FRYL: variants seen among roughly 807,000 people sequenced by gnomAD.
The protein encoded by FRYL is protein furry homolog-like.
A neutral mutation model predicts 351.2 loss-of-function variants in FRYL; 150 were observed. That is an observed-to-expected ratio of 0.43 (90% CI 0.37 to 0.49). The LOEUF (loss-of-function observed/expected upper bound fraction) is 0.49. FRYL is among the 20% of genes least tolerant of loss of function. FRYL has a pLI of 0.00. For missense variants in FRYL, 3,036 were observed against 3,619.3 expected (o/e 0.84, Z 4.13); for synonymous variants, 1,153 against 1,257.1 (o/e 0.92, Z 1.75).
rs1314499669 is a variant in FRYL, at chr4:48,590,818, C to T, written c.1348G>A (p.Gly450Ser). The T allele has an allele frequency of 6.2e-7, 1 of 1,608,036 alleles. No homozygotes were observed. The highest frequency in any genetic ancestry group is 8.5e-7 in the Non-Finnish European group (1 of 1,178,424). The change falls in exon 17 of 64, where the codon GGT becomes AGT. Residue 450 changes from glycine to serine, a missense_variant. Physicochemically the swap from Gly to Ser is moderately conservative, Grantham distance 56. Around this residue, in one of 7 missense-constraint regions of FRYL, gnomAD observed 457 missense variants for 566.6 expected, o/e 0.81. Transcript: ENST00000358350. Reference sequence around the variant, plus strand: ...GCTATTACAAGGAAGACTCTGAGACCTATGTTCATTCTCTTCAAAGGAAAA... The same window carrying T: ...GCTATTACAAGGAAGACTCTGAGACTTATGTTCATTCTCTTCAAAGGAAAA... ...FTINPERMNI[G>S]LRVFLVIADS...
Position 48,557,724 on chromosome 4 carries a change from A to G in FRYL, c.3866-12T>C. On this transcript the variant is annotated splice_polypyrimidine_tract_variant and intron_variant, in intron 33 of 63. Coordinates refer to ENST00000358350, the MANE Select transcript of FRYL (RefSeq NM_015030.2). ...TCTCTGGCTTATCTCTGAAATTGAA[A>G]ACAAGTCAAAGATAACTGATGTAAT... 6.2e-7 allele frequency: 1 copy of G among 1,612,008 alleles called. No individual in the cohort carries two copies. The highest frequency in any genetic ancestry group is 1.1e-5 in the South Asian group (1 of 91,022).
intron 1 of FRYL, among the ~76,000 whole-genome samples, chr4:48,711,446 G>C (rs543090269): frequency 6.6e-6 from 1 of 152,256 alleles, no homozygotes; most frequent in African/African-American, 2.4e-5. Flanking sequence ...CTACGACCAC[G>C]GAGTCTCACT....
intron 1 of FRYL, among the ~76,000 whole-genome samples, chr4:48,714,681 T>C (rs1395839031): frequency 6.6e-6 from 1 of 150,512 alleles, no homozygotes; most frequent in African/African-American, 2.4e-5. Context: ...AAAGCCGAAT[T>C]CTACCAGAGG....
chr4:48,685,242 C>G (rs1386674327), intron 2 of FRYL, among the ~76,000 whole-genome samples: 1 of 152,112 alleles, frequency 6.6e-6, no homozygotes, highest in Non-Finnish European at 1.5e-5. Flanking sequence ...TAATCATCTA[C>G]TACTATAATA....
chr4:48,707,043 T>C (rs1185485759), intron 2 of FRYL, among the ~76,000 whole-genome samples: 3 of 152,188 alleles, frequency 2.0e-5, no homozygotes, highest in Non-Finnish European at 4.4e-5. Flanking sequence ...ACAGCAACCA[T>C]GAGACAATAA....
chr4:48,653,799 A>T lies in FRYL; in HGVS notation c.-80-19309T>A, dbSNP rs938643361. On this transcript the variant is annotated intron_variant, in intron 3 of 63. Coordinates refer to ENST00000358350, the MANE Select transcript of FRYL (RefSeq NM_015030.2). ...GTAGACTCAACATAGTGTCTCAATCAGCTGCAAAAGCAGCAGCAGCAGCAG... is the reference window on the plus strand; with the variant it reads ...GTAGACTCAACATAGTGTCTCAATCTGCTGCAAAAGCAGCAGCAGCAGCAG... 6.2e-6 allele frequency: 8 copies of T among 1,282,558 alleles called. No homozygotes were observed. In the Admixed American group the frequency reaches 1.6e-4, roughly 26 times the overall value. 79.4% of individuals were successfully genotyped at this position (1,282,558 alleles called of 1,614,324 possible). A position where few individuals can be genotyped will look rare whatever the true frequency, so the allele number is the denominator to read the frequency against.
chr4:48,741,448 G>A (rs562957607), intron 1 of FRYL, among the ~76,000 whole-genome samples: 2 of 152,300 alleles, frequency 1.3e-5, no homozygotes, highest in African/African-American at 4.8e-5. Context: ...GCTGAGGCAG[G>A]AGAACTGCTT....
At chr4:48,734,814 CTTGT>C (rs1771127584) in intron 1 of FRYL, among the ~76,000 whole-genome samples, 1 of 152,156 alleles carries the variant, frequency 6.6e-6, no homozygotes, top group African/African-American at 2.4e-5. Flanking sequence ...TTCCCCATTG[CTTGT>C]TTTTCTCAGG....
chr4:48,572,366 A>G (rs546598565), intron 26 of FRYL, among the ~76,000 whole-genome samples: 1 of 152,318 alleles, frequency 6.6e-6, no homozygotes, highest in Admixed American at 6.5e-5. Context: ...TTTTCATGAG[A>G]TATTTCTCAT....
At chr4:48,701,680 AGACT>A (rs1181476691) in intron 2 of FRYL, among the ~76,000 whole-genome samples, 1 of 152,240 alleles carries the variant, frequency 6.6e-6, no homozygotes, top group African/African-American at 2.4e-5. Flanking sequence ...GTCAATAGAC[AGACT>A]ATTACATTTA....
At position 48,499,576 on chromosome 4, in the gene FRYL, A is replaced by G. The variant is rs1375634152; in HGVS notation, c.8888T>C (p.Phe2963Ser). 1 of 1,614,000 alleles carries G rather than the reference A, an allele frequency of 6.2e-7. No individual in the cohort carries two copies. Among genetic ancestry groups the G allele is most frequent in the Non-Finnish European group, 8.5e-7 (1 of 1,180,004 alleles). Residue 2963 changes from phenylalanine (F) to serine (S), a missense_variant, in exon 64 of 64, where the codon TTT becomes TCT. Phe to Ser is a radical substitution (Grantham distance 155). This residue lies in a region of FRYL where 1,987 missense variants were observed against 2,311.7 expected (regional missense o/e 0.86). Coordinates refer to ENST00000358350, the MANE Select transcript of FRYL (RefSeq NM_015030.2). Reference sequence around the variant, plus strand: ...GTCCAGGTTAGAGCCTATAACTGCAAAGCTTCCTGTCTGGCCCAGCGTCTG... The same window carrying G: ...GTCCAGGTTAGAGCCTATAACTGCAGAGCTTCCTGTCTGGCCCAGCGTCTG... ...HHQTLGQTGS[F>S]AVIGSNLDMS...
In FRYL at chr4:48,557,395, C is replaced by T. The variant is rs1560600021; in HGVS notation, c.4125+58G>A. On this transcript the variant is annotated intron_variant, in intron 34 of 63. Coordinates refer to ENST00000358350, the MANE Select transcript of FRYL (RefSeq NM_015030.2). ...ATGGAACCTCTTCATCTGTTTCTAACCACATCTACTCACTCAATAATTCTG... is the reference window on the plus strand; with the variant it reads ...ATGGAACCTCTTCATCTGTTTCTAATCACATCTACTCACTCAATAATTCTG... 3.8e-6 allele frequency: 6 copies of T among 1,591,712 alleles called. No homozygotes were observed. The East Asian group carries it at 9.0e-5, about 24-fold the overall frequency.
At position 48,581,474 on chromosome 4, in the gene FRYL, G is replaced by A. The variant is rs182818839; in HGVS notation, c.2118C>T (p.Ala706=). 453 of 1,613,734 alleles carry A rather than the reference G, an allele frequency of 2.8e-4. 1 individual carries two copies. In the African/African-American group the frequency reaches 4.7e-3, roughly 17 times the overall value. ...CCCGTATTTCTCTAAGGACACTGAC[G>A]GCTAGTCTCCTAGTGGCAGGTCGAC... ...CSSRPATRRL[A]VSVLREIRAL... Residue 706 remains alanine (A), a synonymous_variant, in exon 21 of 64, where the codon GCC becomes GCT. Transcript: ENST00000358350.
chr4:48,649,003 CAAT>C (rs1226555571), intron 3 of FRYL, among the ~76,000 whole-genome samples: 2 of 152,102 alleles, frequency 1.3e-5, no homozygotes, highest in East Asian at 1.9e-4. Context: ...TGAAAAACAG[CAAT>C]AATATTCCTC....
chr4:48,515,191 G>T lies in FRYL; in HGVS notation c.7774C>A (p.Leu2592Ile). 1.1e-5 allele frequency: 17 copies of T among 1,613,864 alleles called. No homozygotes were observed. The highest frequency in any genetic ancestry group is 1.4e-5 in the Non-Finnish European group (17 of 1,179,820). The change falls in exon 56 of 64, where the codon CTT becomes ATT. Residue 2592 changes from leucine (L) to isoleucine (I), a missense_variant. Coordinates refer to ENST00000358350, the MANE Select transcript of FRYL (RefSeq NM_015030.2). The part of the protein sequence containing the change: ...SYIIQEQQES[L>I]VCQGILDLEE... ...AAATCAAGAATTCCTTGACACACAA[G>T]AGATTCCTGCTGTTCTTGAATTATA...
In FRYL at chr4:48,623,129, A is replaced by G; in HGVS notation, c.171T>C (p.Asp57=). The change falls in exon 5 of 64, where the codon GAT becomes GAC. Residue 57 remains aspartate (D), a synonymous_variant. Coordinates refer to ENST00000358350, the MANE Select transcript of FRYL (RefSeq NM_015030.2). ...AATTCTCCCAAAATTGTCATACCTG[A>G]TCAAACTGAAGATCTTCACCCCTCT... ...SLQRGEDLQF[D]QLISSMSSVA... 6.3e-7 allele frequency: 1 copy of G among 1,582,244 alleles called. No homozygotes were observed. Among genetic ancestry groups the G allele is most frequent in the Non-Finnish European group, 8.6e-7 (1 of 1,163,488 alleles).
chr4:48,577,790 T>TA (rs1358640135), intron 23 of FRYL, among the ~76,000 whole-genome samples: 1 of 151,848 alleles, frequency 6.6e-6, no homozygotes, highest in African/African-American at 2.4e-5. Flanking sequence ...GTGGGAGGAC[T>TA]GCTTGAGCCC....
intron 30 of FRYL, 96 bp downstream of exon 30, chr4:48,564,836 AT>A (rs953225380): frequency 1.6e-6 from 1 of 630,442 alleles, no homozygotes; most frequent in East Asian, 2.9e-5. Flanking sequence ...AACCTATCTT[AT>A]TTTTTTAAAA....
intron 2 of FRYL, among the ~76,000 whole-genome samples, chr4:48,697,884 T>C (rs970246580): frequency 6.6e-6 from 1 of 152,192 alleles, no homozygotes; most frequent in Non-Finnish European, 1.5e-5. Flanking sequence ...AGAATGGGAA[T>C]AGCATCTCTG....
Sources: gnomAD v4.1 joint callset for allele counts (sites outside exome capture counted in the v4.1 genomes callset) on GRCh38, gnomAD v4.1.1 for gene constraint, gnomAD v4.1.1 regional missense constraint, MANE v1.5 for transcripts, NCBI Gene and HGNC (gene_info 2026-07-23, HGNC 2026-07-21) for gene names.